The following TP63 variants were observed in gnomAD, a reference collection of about 807,000 sequenced individuals.
The protein encoded by TP63 is tumor protein p63.
Under a neutral mutation model 82.8 loss-of-function variants are expected in TP63, and 17 were observed. The observed-to-expected ratio is 0.21, with a 90% CI of 0.14 to 0.31. TP63 has a LOEUF of 0.31. Among genes scored for constraint, TP63 ranks in the 10% least tolerant of loss-of-function variants. The pLI is 1.00. For synonymous variants in TP63, 330 were observed against 321.7 expected (o/e 1.03, Z -0.28); for missense variants, 648 against 895.3 (o/e 0.72, Z 3.52).
chr3:189,840,873 A>G (rs995903029), intron 4 of TP63, among the ~76,000 whole-genome samples: 1 of 151,742 alleles, frequency 6.6e-6, no homozygotes, highest in Non-Finnish European at 1.5e-5. Flanking sequence ...AAAAAAAAAA[A>G]AAAAACAACT....
intron 3 of TP63, among the ~76,000 whole-genome samples, chr3:189,745,303 A>G (rs532565099): frequency 2.6e-5 from 4 of 152,358 alleles, no homozygotes; most frequent in Admixed American, 2.6e-4. Context: ...AATTCAAAAT[A>G]TTGATACTGA....
rs1011388478 is a variant in TP63 at position 189,742,898 on chromosome 3, T to C, written c.324+4124T>C. Among the ~76,000 whole-genome samples, 3 of 152,220 alleles carry C rather than the reference T, an allele frequency of 2.0e-5. No homozygotes were observed. In the South Asian group the frequency reaches 6.2e-4, roughly 32 times the overall value. The stretch of plus-strand genomic sequence containing the variant: ...CAACACATTGCAGAGAAGGTAATTT[T>C]TTTATTTAGGCCTTAAAATATGAGT... On this transcript the variant is annotated intron_variant, in intron 3 of 13. Transcript: ENST00000264731.
chr3:189,607,488 A>G, the TP63 span, among the ~76,000 whole-genome samples: 2 of 152,140 alleles, frequency 1.3e-5, no homozygotes, highest in Non-Finnish European at 2.9e-5. Flanking sequence ...ATTATTACAA[A>G]TAATTTTTCC....
the TP63 span, among the ~76,000 whole-genome samples, chr3:189,607,649 A>C: frequency 3.8e-4 from 57 of 151,916 alleles, no homozygotes; most frequent in South Asian, 1.7e-3. Context: ...ATTAAATGAA[A>C]AATTAGAATA....
At chr3:189,697,749 A>C (rs558950107) in intron 1 of TP63, among the ~76,000 whole-genome samples, 1 of 152,036 alleles carries the variant, frequency 6.6e-6, no homozygotes, top group Admixed American at 6.6e-5. Flanking sequence ...ACTTTTCTGC[A>C]TATAGATCCT....
At chr3:189,765,340 C>G (rs1316522966) in intron 3 of TP63, among the ~76,000 whole-genome samples, 1 of 150,028 alleles carries the variant, frequency 6.7e-6, no homozygotes, top group Non-Finnish European at 1.5e-5. Context: ...GAATTAATCT[C>G]ATCAAGTAAC....
At chr3:189,618,032 A>T in the TP63 span, among the ~76,000 whole-genome samples, 1 of 152,236 alleles carries the variant, frequency 6.6e-6, no homozygotes, top group East Asian at 1.9e-4. Flanking sequence ...CAACAGCAGT[A>T]GGCTGCATAA....
At chr3:189,646,724 A>G (rs1349245309) in intron 1 of TP63, among the ~76,000 whole-genome samples, 1 of 147,140 alleles carries the variant, frequency 6.8e-6, no homozygotes, top group Admixed American at 6.7e-5. Context: ...TTCTCATAAT[A>G]ACAAAAATAC....
Position 189,871,625 on chromosome 3 carries a change from G to A in TP63, c.1213-1234G>A, listed in dbSNP as rs116379184. On this transcript the variant is annotated intron_variant, in intron 9 of 13. Coordinates refer to ENST00000264731, the MANE Select transcript of TP63 (RefSeq NM_003722.5). ...GGGTAAGGCAGTTAAAGTGCCTAGG[G>A]TGCAAAATTTAAATAGTCACTCACA... Among the ~76,000 whole-genome samples the A allele has an allele frequency of 1.4e-3, 216 of 152,270 alleles. 1 individual carries two copies. The highest frequency in any genetic ancestry group is 3.9e-3 in the African/African-American group (164 of 41,556).
intron 1 of TP63, among the ~76,000 whole-genome samples, chr3:189,712,922 T>C (rs1168736180): frequency 6.6e-6 from 1 of 152,136 alleles, no homozygotes; most frequent in Non-Finnish European, 1.5e-5. Context: ...GAGGGAGCCA[T>C]TGAAAATATC....
At chr3:189,691,338 C>CAA (rs781098833) in intron 1 of TP63, among the ~76,000 whole-genome samples, 843 of 66,900 alleles carry the variant, frequency 0.013, 17 homozygotes, top group Non-Finnish European at 0.016. Flanking sequence ...GACTCCATCT[C>CAA]AAAAAAAAAA....
chr3:189,713,154 C>T (rs1338347684), intron 1 of TP63, among the ~76,000 whole-genome samples: 1 of 152,186 alleles, frequency 6.6e-6, no homozygotes, highest in Non-Finnish European at 1.5e-5. Context: ...TTTATGGCCA[C>T]TTCATCTCCA....
the TP63 span, among the ~76,000 whole-genome samples, chr3:189,602,337 A>G: frequency 6.6e-6 from 1 of 152,194 alleles, no homozygotes; most frequent in African/African-American, 2.4e-5. Flanking sequence ...TGTAGAAGAG[A>G]GATATTAATG....
At chr3:189,639,525 T>G (rs1472328393) in intron 1 of TP63, among the ~76,000 whole-genome samples, 1 of 152,152 alleles carries the variant, frequency 6.6e-6, no homozygotes. Flanking sequence ...AGAATAAATG[T>G]AAGGGCTCAA....
At chr3:189,800,660 T>A (rs1726203579) in intron 3 of TP63, among the ~76,000 whole-genome samples, 3 of 151,992 alleles carry the variant, frequency 2.0e-5, no homozygotes, top group Non-Finnish European at 4.4e-5. Flanking sequence ...CTCTTCTCAC[T>A]ACCTTGGGCG....
At chr3:189,878,720 G>T (rs577462019) in intron 10 of TP63, among the ~76,000 whole-genome samples, 2 of 148,910 alleles carry the variant, frequency 1.3e-5, no homozygotes, top group African/African-American at 2.5e-5. Flanking sequence ...GAGCCACCGC[G>T]CCCAGCCTAC....
At chr3:189,832,013 GT>G (rs1712438232) in intron 4 of TP63, among the ~76,000 whole-genome samples, 1 of 151,624 alleles carries the variant, frequency 6.6e-6, no homozygotes, top group African/African-American at 2.4e-5. Context: ...TGTATTTGTA[GT>G]AGAGACAGGG....
chr3:189,861,140 C>G (rs1464224984), intron 4 of TP63, among the ~76,000 whole-genome samples: 3 of 147,768 alleles, frequency 2.0e-5, no homozygotes, highest in Non-Finnish European at 4.6e-5. Context: ...ATGTCTTGAG[C>G]TCCTGCCTGC....
chr3:189,632,734 A>G (rs1729540030), intron 1 of TP63, among the ~76,000 whole-genome samples: 1 of 152,146 alleles, frequency 6.6e-6, no homozygotes, highest in South Asian at 2.1e-4. Flanking sequence ...TTTACCACAA[A>G]CAACAATATT....
Sources: gnomAD v4.1 joint callset for allele counts (sites outside exome capture counted in the v4.1 genomes callset) on GRCh38, gnomAD v4.1.1 for gene constraint, MANE v1.5 for transcripts, NCBI Gene and HGNC (gene_info 2026-07-23, HGNC 2026-07-21) for gene names.